NIPAL2: variants seen among roughly 807,000 people sequenced by gnomAD.
NIPAL2 encodes NIPA-like protein 2.
NIPAL2 carries 43 observed loss-of-function variants against 48.9 expected under a neutral mutation model. The ratio of observed to expected loss-of-function variants is 0.88; its 90% CI spans 0.69 to 1.13. The LOEUF is 1.13. Among genes scored for constraint, NIPAL2 ranks in the 50% most tolerant of loss-of-function variants. The probability of loss-of-function intolerance (pLI) is 0.00; values close to 1 mark genes in which losing one functional copy is unlikely to be tolerated. For synonymous variants in NIPAL2, 167 were observed against 174.6 expected (o/e 0.96, Z 0.34); for missense variants, 446 against 461.4 (o/e 0.97, Z 0.31).
chr8:98,207,634 T>G (rs945717619), intron 6 of NIPAL2, among the ~76,000 whole-genome samples: 1 of 152,204 alleles, frequency 6.6e-6, no homozygotes, highest in Non-Finnish European at 1.5e-5. Context: ...TTTAAAAATT[T>G]TTGGAAAATG....
Position 98,228,033 on chromosome 8 carries a change from G to A in NIPAL2, c.437-5433C>T, listed in dbSNP as rs1449889201. ...AGTGTTGGCAGCATTGAGTTCCAGT[G>A]CAAAGTAATCACTGTGTTCTTCTTC... On this transcript the variant is annotated intron_variant, in intron 4 of 10. Transcript: ENST00000430223. Among the ~76,000 whole-genome samples the A allele has an allele frequency of 1.8e-4, 28 of 152,218 alleles. 1 individual carries two copies. The highest frequency in any genetic ancestry group is 1.8e-3 in the Admixed American group (28 of 15,288).
At chr8:98,275,850 C>A (rs756706497) in intron 1 of NIPAL2, among the ~76,000 whole-genome samples, 4 of 152,110 alleles carry the variant, frequency 2.6e-5, no homozygotes, top group Non-Finnish European at 5.9e-5. Context: ...TTCTTCTGTC[C>A]TATCTCATAT....
chr8:98,249,507 T>C (rs1394252863), intron 3 of NIPAL2, among the ~76,000 whole-genome samples: 1 of 151,254 alleles, frequency 6.6e-6, no homozygotes, highest in East Asian at 1.9e-4. Context: ...ACATGTCATA[T>C]ATGTCATACG....
chr8:98,277,515 C>T (rs557013483), intron 1 of NIPAL2, among the ~76,000 whole-genome samples: 47 of 151,990 alleles, frequency 3.1e-4, no homozygotes, highest in South Asian at 1.2e-3. Flanking sequence ...CCAGCCTGGG[C>T]GACAGAGTGA....
At chr8:98,291,556 A>C (rs1816489218) in intron 1 of NIPAL2, among the ~76,000 whole-genome samples, 1 of 152,214 alleles carries the variant, frequency 6.6e-6, no homozygotes, top group African/African-American at 2.4e-5. Flanking sequence ...ATTTTCCCAA[A>C]CACCTAATAA....
rs796336301 is a variant in NIPAL2, at chr8:98,218,757, G to A, written c.558+3722C>T. The stretch of plus-strand genomic sequence containing the variant: ...GGTCCAATCTGAGCCATGCCCATGA[G>A]GGTGAGTTTTCAGGGGTCATAAGGA... On this transcript the variant is annotated intron_variant, in intron 5 of 10. Transcript: ENST00000430223. 3.3e-5 allele frequency among the ~76,000 whole-genome samples: 5 copies of A among 152,304 alleles called. 1 individual carries two copies. Among genetic ancestry groups the A allele is most frequent in the African/African-American group, 1.2e-4 (5 of 41,568 alleles).
chr8:98,256,416 A>T (rs1239186959), intron 1 of NIPAL2, among the ~76,000 whole-genome samples: 1 of 152,186 alleles, frequency 6.6e-6, no homozygotes, highest in African/African-American at 2.4e-5. Context: ...ATATATCTGG[A>T]TTGAGATCCA....
chr8:98,211,742 G>A (rs937587398), intron 6 of NIPAL2, among the ~76,000 whole-genome samples: 2 of 149,940 alleles, frequency 1.3e-5, no homozygotes, highest in Non-Finnish European at 3.0e-5. Context: ...AAGTGTGTGT[G>A]TGTGTGTGTG....
At chr8:98,282,627 T>G (rs1436828315) in intron 1 of NIPAL2, among the ~76,000 whole-genome samples, 1 of 152,102 alleles carries the variant, frequency 6.6e-6, no homozygotes, top group Non-Finnish European at 1.5e-5. Flanking sequence ...GAGCTATGAT[T>G]GTACCACTGC....
At chr8:98,272,866 A>C (rs1783034635) in intron 1 of NIPAL2, among the ~76,000 whole-genome samples, 1 of 152,166 alleles carries the variant, frequency 6.6e-6, no homozygotes, top group African/African-American at 2.4e-5. Context: ...TGATGTCTGA[A>C]AACCAAGGAA....
intron 5 of NIPAL2, among the ~76,000 whole-genome samples, chr8:98,215,175 C>G (rs985760907): frequency 2.0e-5 from 3 of 152,194 alleles, no homozygotes; most frequent in African/African-American, 7.2e-5. Context: ...GTTATCAGTT[C>G]TAGAAACCAT....
chr8:98,226,877 T>C (rs1050279583), intron 4 of NIPAL2, among the ~76,000 whole-genome samples: 7 of 152,186 alleles, frequency 4.6e-5, no homozygotes, highest in African/African-American at 1.7e-4. Flanking sequence ...AGGCCCTGGG[T>C]GGGTCCAGAG....
intron 5 of NIPAL2, among the ~76,000 whole-genome samples, chr8:98,221,676 C>G (rs1004798848): frequency 6.6e-6 from 1 of 152,090 alleles, no homozygotes; most frequent in African/African-American, 2.4e-5. Flanking sequence ...GGTATTTCTC[C>G]TAATGCTATC....
intron 4 of NIPAL2, among the ~76,000 whole-genome samples, chr8:98,227,050 AGGTACTGCCAG>A (rs1812212969): frequency 6.6e-6 from 1 of 151,998 alleles, no homozygotes; most frequent in South Asian, 2.1e-4. Flanking sequence ...CACCACCCTC[AGGTACTGCCAG>A]GGTACTGCCA....
intron 1 of NIPAL2, among the ~76,000 whole-genome samples, chr8:98,258,604 G>T (rs544716620): frequency 6.6e-6 from 1 of 152,114 alleles, no homozygotes; most frequent in Non-Finnish European, 1.5e-5. Flanking sequence ...ACTGAAACCC[G>T]AACTTAGGAG....
chr8:98,247,743 G>A (rs1395096114), intron 3 of NIPAL2, among the ~76,000 whole-genome samples: 1 of 152,224 alleles, frequency 6.6e-6, no homozygotes, highest in African/African-American at 2.4e-5. Context: ...CAGAGAGTAA[G>A]TCTGTTTAAT....
chr8:98,293,981 G>A (rs1453697108), intron 1 of NIPAL2, 22 bp downstream of exon 1: 1 of 1,438,248 alleles, frequency 7.0e-7, no homozygotes, highest in Admixed American at 2.9e-5. Context: ...CCGGGCTGCG[G>A]TGGCTGCGGG....
Position 98,233,271 on chromosome 8 carries a change from AAG to A in NIPAL2, c.436+2882_436+2883del, listed in dbSNP as rs1488765659. On this transcript the variant is annotated intron_variant, in intron 4 of 10. Coordinates refer to ENST00000430223, the MANE Select transcript of NIPAL2 (RefSeq NM_001321635.2). Reference sequence around the variant, plus strand: ...AGACTCCATCTCAAAAGAAAAAAAAAAGGTGAGGAATTAGCAAAGAATCCCAA... The same window carrying A: ...AGACTCCATCTCAAAAGAAAAAAAAAGTGAGGAATTAGCAAAGAATCCCAA... Among the ~76,000 whole-genome samples, 4 of 152,166 alleles carry A rather than the reference AAG, an allele frequency of 2.6e-5. No individual in the cohort carries two copies. The East Asian group carries it at 7.7e-4, about 29-fold the overall frequency.
Position 98,212,394 on chromosome 8 carries a change from T to C in NIPAL2, c.655+11A>G, listed in dbSNP as rs2130725892. ...TCAATTAAAGAATAAGAAAACAAAA[T>C]ATGCCTTTACCTAGAATTGCCACCA... On this transcript the variant is annotated intron_variant, in intron 6 of 10. Transcript: ENST00000430223. 2 of 1,484,336 alleles carry C rather than the reference T, an allele frequency of 1.3e-6. No homozygotes were observed. Among genetic ancestry groups the C allele is most frequent in the East Asian group, 4.5e-5 (2 of 44,226 alleles). 91.9% of individuals were successfully genotyped at this position (1,484,336 alleles called of 1,614,324 possible). A position where few individuals can be genotyped will look rare whatever the true frequency, so the allele number is the denominator to read the frequency against.
Sources: allele counts gnomAD v4.1 joint callset (sites outside exome capture counted in the v4.1 genomes callset), GRCh38; gene constraint gnomAD v4.1.1; transcripts MANE v1.5; gene names NCBI Gene and HGNC (gene_info 2026-07-23, HGNC 2026-07-21).